Variants in RBM4 observed in about 807,000 individuals in gnomAD.
RBM4 encodes RNA-binding protein 4.
Under a neutral mutation model 29.5 loss-of-function variants are expected in RBM4, and 7 were observed. The ratio of observed to expected loss-of-function variants is 0.24; its 90% CI spans 0.14 to 0.45. The LOEUF (loss-of-function observed/expected upper bound fraction) is 0.45, where lower values mean the gene tolerates loss of function less well. Ranked by LOEUF, RBM4 falls within the 20% of genes least tolerant of loss-of-function variation. The pLI, the probability that RBM4 is intolerant of heterozygous loss-of-function variation, is 1.00. For missense variants in RBM4, 387 were observed against 502.3 expected (o/e 0.77, Z 2.19); for synonymous variants, 220 against 205.4 (o/e 1.07, Z -0.61).
Position 66,646,170 on chromosome 11 carries a change from G to A in RBM4, c.*152G>A. The A allele has an allele frequency of 6.6e-7, 1 of 1,512,534 alleles. No homozygotes were observed. Among genetic ancestry groups the A allele is most frequent in the Non-Finnish European group, 8.8e-7 (1 of 1,132,754 alleles). The allele number at this position is 1,512,534 out of a possible 1,614,324, so 93.7% of individuals were successfully genotyped here. A position where few individuals can be genotyped will look rare whatever the true frequency, so the allele number is the denominator to read the frequency against. ...ACCTTAATTTACCTTGCTAAGTTCA[G>A]ACCTTCTCTTCCTTTCCTTTCCTTT... On this transcript the variant is annotated 3_prime_UTR_variant, in exon 4 of 4. Coordinates refer to ENST00000310092, the MANE Select transcript of RBM4 (RefSeq NM_002896.4).
intron 2 of RBM4, among the ~76,000 whole-genome samples, chr11:66,654,518 T>C (rs1938902240): frequency 1.3e-5 from 2 of 151,952 alleles, no homozygotes; most frequent in South Asian, 4.2e-4. Context: ...TTTTTTATTT[T>C]TGAGACAAGG....
intron 2 of RBM4, among the ~76,000 whole-genome samples, chr11:66,661,586 G>C (rs1590874661): frequency 6.6e-6 from 1 of 152,290 alleles, no homozygotes; most frequent in East Asian, 1.9e-4. Flanking sequence ...CTCATAGTAG[G>C]AATTCAAACA....
intron 2 of RBM4, among the ~76,000 whole-genome samples, chr11:66,658,740 C>T (rs532044597): frequency 6.6e-6 from 1 of 151,998 alleles, no homozygotes; most frequent in South Asian, 2.1e-4. Flanking sequence ...AGTTTGAGAC[C>T]AGCCTGGCCA....
chr11:66,639,578 GGT>G (rs1565079107), intron 1 of RBM4, 120 bp from the exon 2 acceptor site: 1 of 1,186,996 alleles, frequency 8.4e-7, no homozygotes, highest in Non-Finnish European at 1.2e-6. Context: ...ATTGTGTGGA[GGT>G]GTGTGTGCAG....
intron 3 of RBM4, among the ~76,000 whole-genome samples, chr11:66,645,249 C>T (rs1020244452): frequency 6.6e-6 from 1 of 152,156 alleles, no homozygotes; most frequent in African/African-American, 2.4e-5. Context: ...GCTTTGGGCT[C>T]TAGGTGTTTG....
At chr11:66,644,170 GT>G in intron 3 of RBM4, 30 bp downstream of exon 3, 1 of 1,579,240 alleles carries the variant, frequency 6.3e-7, no homozygotes, top group Non-Finnish European at 8.6e-7. Context: ...CCCTCTTCTG[GT>G]TTTGCCATCC....
intron 2 of RBM4, chr11:66,665,369 TATA>T: frequency 1.7e-6 from 1 of 597,770 alleles, no homozygotes; most frequent in Non-Finnish European, 3.0e-6. Flanking sequence ...AGGCTGAGAA[TATA>T]AGGAACAGAG....
intron 2 of RBM4, among the ~76,000 whole-genome samples, chr11:66,657,747 CT>C (rs1247674333): frequency 6.7e-6 from 1 of 149,768 alleles, no homozygotes; most frequent in Admixed American, 6.6e-5. Flanking sequence ...CCTCCCCCAC[CT>C]TTTTTTTGAG....
intron 2 of RBM4, among the ~76,000 whole-genome samples, chr11:66,662,815 C>T (rs1441477156): frequency 1.3e-5 from 2 of 152,166 alleles, no homozygotes; most frequent in Non-Finnish European, 2.9e-5. Context: ...TAGTGCCTTG[C>T]AGATCATAAG....
exon 3 of RBM4, chr11:66,667,550 AGGACCCCATG>A (rs1469298711): frequency 1.3e-5 from 2 of 152,254 alleles, no homozygotes; most frequent in Non-Finnish European, 2.9e-5. Flanking sequence ...GATTACAATA[AGGACCCCATG>A]GGACAGAACA....
intron 2 of RBM4, chr11:66,665,631 G>C (rs1679126571): frequency 1.3e-6 from 2 of 1,535,378 alleles, no homozygotes; most frequent in African/African-American, 1.4e-5. Flanking sequence ...GAGCAGCCTG[G>C]CTCCGCGTAC....
intron 2 of RBM4, among the ~76,000 whole-genome samples, chr11:66,653,722 G>T (rs962979035): frequency 2.6e-5 from 4 of 151,918 alleles, no homozygotes; most frequent in African/African-American, 9.7e-5. Flanking sequence ...TATGTTAATT[G>T]ACATATGACC....
chr11:66,643,328 C>A lies in RBM4; in HGVS notation c.413-122C>A. ...TTTTTTTTTTCCTTTTTATCTTTTCCTAAAGATGAGTCCTGCATTAGAATT... is the reference window on the plus strand; with the variant it reads ...TTTTTTTTTTCCTTTTTATCTTTTCATAAAGATGAGTCCTGCATTAGAATT... On this transcript the variant is annotated intron_variant, in intron 2 of 3. Coordinates refer to ENST00000310092, the MANE Select transcript of RBM4 (RefSeq NM_002896.4). The surrounding 1 kb of genome is among the most constrained non-coding windows in gnomAD (Gnocchi z 6.1). 1 of 1,242,528 alleles carries A rather than the reference C, an allele frequency of 8.0e-7. No individual in the cohort carries two copies. Among genetic ancestry groups the A allele is most frequent in the Non-Finnish European group, 1.1e-6 (1 of 931,604 alleles). The allele number at this position is 1,242,528 out of a possible 1,614,324, so 77.0% of individuals were successfully genotyped here.
At chr11:66,649,714 T>C, downstream of RBM4, 1 of 701,788 alleles carries the variant, frequency 1.4e-6, no homozygotes, top group South Asian at 1.5e-5. Flanking sequence ...TAAAGTACTT[T>C]TTCTTGCTTT....
At chr11:66,662,375 A>G (rs528659087) in intron 2 of RBM4, among the ~76,000 whole-genome samples, 61 of 152,222 alleles carry the variant, frequency 4.0e-4, no homozygotes, top group African/African-American at 1.4e-3. Context: ...TCTTGTGCCA[A>G]TGACATAGAA....
intron 2 of RBM4, among the ~76,000 whole-genome samples, chr11:66,655,402 A>G (rs1197598769): frequency 1.3e-5 from 2 of 149,878 alleles, no homozygotes; most frequent in South Asian, 4.2e-4. Flanking sequence ...TGGTCCTCCT[A>G]CCCCAGCCTC....
chr11:66,644,631 C>G, intron 3 of RBM4: 1 of 949,532 alleles, frequency 1.1e-6, no homozygotes, highest in Non-Finnish European at 1.3e-6. Flanking sequence ...CATCACTGCT[C>G]AGGTCCCAGT....
intron 2 of RBM4, among the ~76,000 whole-genome samples, chr11:66,652,984 T>A (rs922286034): frequency 2.0e-5 from 3 of 152,090 alleles, no homozygotes; most frequent in African/African-American, 7.2e-5. Flanking sequence ...TGTCTTAAGT[T>A]GTCACAACTA....
Position 66,640,257 on chromosome 11 carries a change from G to A in RBM4, c.412+134G>A, listed in dbSNP as rs1184956495. 5.8e-6 allele frequency: 7 copies of A among 1,213,572 alleles called. No homozygotes were observed. In the African/African-American group the frequency reaches 6.0e-5, roughly 10 times the overall value. 75.2% of individuals were successfully genotyped at this position (1,213,572 alleles called of 1,614,324 possible). ...TGATGAAGAAATAAGTGTGGGTGAT[G>A]GACTTCTTATGATGTAGAATGCATG... is the stretch of plus-strand genomic sequence containing the variant. On this transcript the variant is annotated intron_variant, in intron 2 of 3. Transcript: ENST00000310092.
Sources: allele counts gnomAD v4.1 joint callset (sites outside exome capture counted in the v4.1 genomes callset), GRCh38; gene constraint gnomAD v4.1.1; non-coding constraint Gnocchi (gnomAD v3.1); transcripts MANE v1.5; gene names NCBI Gene and HGNC (gene_info 2026-07-23, HGNC 2026-07-21).